The following RSPH10B2 variants were observed in gnomAD, a reference collection of about 807,000 sequenced individuals.
The protein encoded by RSPH10B2 is radial spoke head 10 homolog B2 (Chlamydomonas).
A neutral mutation model predicts 49.0 loss-of-function variants in RSPH10B2; 9 were observed. The ratio of observed to expected loss-of-function variants is 0.18; its 90% CI spans 0.11 to 0.32. RSPH10B2 has a LOEUF of 0.32. RSPH10B2 is among the 10% of genes least tolerant of loss of function. The probability of loss-of-function intolerance (pLI) is 1.00; values close to 1 mark genes in which losing one functional copy is unlikely to be tolerated. For synonymous variants in RSPH10B2, 35 were observed against 210.2 expected (o/e 0.17, Z 7.21); for missense variants, 95 against 589.9 (o/e 0.16, Z 8.69).
At chr7:6,782,376 CT>C in intron 13 of RSPH10B2, among the ~76,000 whole-genome samples, 1 of 124,154 alleles carries the variant, frequency 8.1e-6, no homozygotes, top group African/African-American at 3.2e-5. Flanking sequence ...TGAGATCCCC[CT>C]CTCTACAAAA....
chr7:6,764,400 G>A (rs1319859771), intron 4 of RSPH10B2, among the ~76,000 whole-genome samples: 13 of 150,250 alleles, frequency 8.7e-5, no homozygotes, highest in Admixed American at 4.0e-4. Flanking sequence ...TTGCTCTGTC[G>A]CCCAGGCGGG....
intron 18 of RSPH10B2, among the ~76,000 whole-genome samples, chr7:6,797,109 A>G (rs1434033676): frequency 1.4e-5 from 2 of 142,240 alleles, no homozygotes; most frequent in African/African-American, 5.1e-5. Flanking sequence ...CCCGGGTTCA[A>G]GCGATTCTCT....
intron 4 of RSPH10B2, among the ~76,000 whole-genome samples, chr7:6,764,764 A>G (rs1408816581): frequency 2.0e-5 from 3 of 149,874 alleles, no homozygotes; most frequent in African/African-American, 4.9e-5. Flanking sequence ...CTTGAGACAT[A>G]TTGGAGGGAT....
chr7:6,774,778 A>T (rs1481090114), intron 9 of RSPH10B2, among the ~76,000 whole-genome samples: 2 of 145,978 alleles, frequency 1.4e-5, no homozygotes, highest in African/African-American at 2.5e-5. Flanking sequence ...TCTTGTTGAG[A>T]TAGGGTCTTA....
intron 13 of RSPH10B2, among the ~76,000 whole-genome samples, chr7:6,783,581 T>C (rs1438692201): frequency 7.6e-6 from 1 of 131,382 alleles, no homozygotes; most frequent in African/African-American, 3.0e-5. Context: ...CAAGCAATCC[T>C]CCCACCTCAG....
At chr7:6,775,172 TCTC>T (rs1781735515) in intron 9 of RSPH10B2, among the ~76,000 whole-genome samples, 1 of 55,260 alleles carries the variant, frequency 1.8e-5, no homozygotes, top group Non-Finnish European at 3.9e-5. Context: ...CCTGCCTTGA[TCTC>T]CTGAAGTGCT....
chr7:6,793,992 G>A (rs1211024568), intron 17 of RSPH10B2: 2 of 152,930 alleles, frequency 1.3e-5, no homozygotes, highest in Non-Finnish European at 1.5e-5. Flanking sequence ...CTGTGTACAT[G>A]CTCACCTTTG....
At position 6,779,583 on chromosome 7, in the gene RSPH10B2, G is replaced by A. The variant is rs200761356; in HGVS notation, c.1415-27G>A. On this transcript the variant is annotated intron_variant, in intron 10 of 18. Transcript: ENST00000297186. ...AATGGAAGGTTCTAGCAAATGTCAG[G>A]CATCCTCTCCAATTTTCTTATTTTA... 1.6e-5 allele frequency: 5 copies of A among 316,258 alleles called. 1 individual carries two copies. Among genetic ancestry groups the A allele is most frequent in the East Asian group, 1.6e-4 (2 of 12,670 alleles). The allele number at this position is 316,258 out of a possible 1,614,324, so 19.6% of individuals were successfully genotyped here.
At chr7:6,785,370 G>T (rs1205695011) in intron 13 of RSPH10B2, among the ~76,000 whole-genome samples, 2 of 152,396 alleles carry the variant, frequency 1.3e-5, no homozygotes, top group East Asian at 3.9e-4. Flanking sequence ...TAAAGACAGG[G>T]TCTTGCTATG....
At position 6,798,555 on chromosome 7, in the gene RSPH10B2, GAC is replaced by G; in HGVS notation, c.*22_*23del. 32 of 640,028 alleles carry G rather than the reference GAC, an allele frequency of 5.0e-5. 1 individual carries two copies. Among genetic ancestry groups the G allele is most frequent in the East Asian group, 1.1e-4 (2 of 18,482 alleles). 39.6% of individuals were successfully genotyped at this position (640,028 alleles called of 1,614,324 possible). Reference sequence around the variant, plus strand: ...AGAAGAAAAAGTAGAGAGACACGAGGACACACACACAGGCTTAGGATGGCACG... The same window carrying G: ...AGAAGAAAAAGTAGAGAGACACGAGGACACACACAGGCTTAGGATGGCACG... On this transcript the variant is annotated 3_prime_UTR_variant, in exon 19 of 19. Coordinates refer to ENST00000297186, the Ensembl canonical transcript of RSPH10B2.
At position 6,781,839 on chromosome 7, in the gene RSPH10B2, T is replaced by A. The variant is rs1415484293; in HGVS notation, c.1758+363T>A. Among the ~76,000 whole-genome samples, 2 of 109,254 alleles carry A rather than the reference T, an allele frequency of 1.8e-5. 1 individual carries two copies. Among genetic ancestry groups the A allele is most frequent in the Non-Finnish European group, 3.7e-5 (2 of 54,532 alleles). 71.7% of individuals were successfully genotyped at this position (109,254 alleles called of 152,430 possible). ...TCAAGACCAGCATGGACATATATAT[T>A]TATATATGCCATGGGCCATTGTCTT... On this transcript the variant is annotated intron_variant, in intron 13 of 18. Coordinates refer to ENST00000297186, the Ensembl canonical transcript of RSPH10B2.
chr7:6,770,903 C>CAA (rs1360858598), intron 7 of RSPH10B2, among the ~76,000 whole-genome samples: 1 of 128,884 alleles, frequency 7.8e-6, no homozygotes, highest in African/African-American at 2.9e-5. Context: ...GACTCCGTCT[C>CAA]AAAAAAAAAA....
Position 6,770,600 on chromosome 7 carries a change from C to G in RSPH10B2, c.958-947C>G, listed in dbSNP as rs567213032. Among the ~76,000 whole-genome samples the G allele has an allele frequency of 9.9e-3, 1,261 of 127,852 alleles. 31 individuals are homozygous for G. Among genetic ancestry groups the G allele is most frequent in the African/African-American group, 0.035 (1,178 of 33,338 alleles). The allele number at this position is 127,852 out of a possible 152,430, so 83.9% of individuals were successfully genotyped here. ...CACTCCAGCCTGAGTGACAGCGAGG[C>G]TCCACCTCAAAAAAAAAAAAAATTG... On this transcript the variant is annotated intron_variant, in intron 7 of 18. Coordinates refer to ENST00000297186, the Ensembl canonical transcript of RSPH10B2.
At chr7:6,765,637 TC>T (rs1349617353) in intron 4 of RSPH10B2, 68 bp from the exon 7 acceptor site, 19 of 1,133,764 alleles carry the variant, frequency 1.7e-5, no homozygotes, top group Non-Finnish European at 2.2e-5. Context: ...CAAGTTAATA[TC>T]CTTACATTTG....
intron 4 of RSPH10B2, among the ~76,000 whole-genome samples, chr7:6,764,517 C>T (rs1293993613): frequency 2.9e-4 from 44 of 149,926 alleles, no homozygotes; most frequent in Admixed American, 3.3e-4. Flanking sequence ...TGCACCACCA[C>T]GCCCAGCTAA....
chr7:6,791,401 AATTCTGTT>A (rs1782322077), intron 16 of RSPH10B2, among the ~76,000 whole-genome samples: 1 of 149,412 alleles, frequency 6.7e-6, no homozygotes, highest in Non-Finnish European at 1.5e-5. Context: ...TAAATGCCAT[AATTCTGTT>A]ATTCATTTCA....
At position 6,792,720 on chromosome 7, in the gene RSPH10B2, C is replaced by T. The variant is rs1159094734; in HGVS notation, c.2233+723C>T. On this transcript the variant is annotated intron_variant, in intron 17 of 18. Transcript: ENST00000297186. ...TACTCTGCCGGCCTTGCCAGTTGCA[C>T]GTGGCCTTGTTTTCATGATTAAACA... 6.7e-5 allele frequency among the ~76,000 whole-genome samples: 8 copies of T among 119,630 alleles called. 2 individuals carry two copies. Among genetic ancestry groups the T allele is most frequent in the African/African-American group, 2.3e-4 (7 of 30,812 alleles). 78.5% of individuals were successfully genotyped at this position (119,630 alleles called of 152,430 possible).
intron 3 of RSPH10B2, among the ~76,000 whole-genome samples, chr7:6,763,704 C>G (rs1361736198): frequency 2.1e-5 from 3 of 146,050 alleles, no homozygotes; most frequent in Admixed American, 1.4e-4. Context: ...ATATTTCCTC[C>G]TGCCTGAGCT....
At position 6,786,070 on chromosome 7, in the gene RSPH10B2, CATCACAA is replaced by C. The variant is rs1212091179; in HGVS notation, c.1866+17_1866+23del. On this transcript the variant is annotated intron_variant, in intron 14 of 18. Coordinates refer to ENST00000297186, the Ensembl canonical transcript of RSPH10B2. ...TTTGAACCTGAGGTTTGTAAAGAGC[CATCACAA>C]ATGGTACAGATCCAATTCAGGCTGT... is the stretch of plus-strand genomic sequence containing the variant. 1.2e-6 allele frequency: 1 copy of C among 816,588 alleles called. No individual in the cohort carries two copies. Among genetic ancestry groups the C allele is most frequent in the African/African-American group, 1.9e-5 (1 of 53,656 alleles). The allele number at this position is 816,588 out of a possible 1,614,324, so 50.6% of individuals were successfully genotyped here. A position where few individuals can be genotyped will look rare whatever the true frequency, so the allele number is the denominator to read the frequency against.
Sources: allele counts gnomAD v4.1 joint callset (sites outside exome capture counted in the v4.1 genomes callset), GRCh38; gene constraint gnomAD v4.1.1; transcripts MANE v1.5; gene names NCBI Gene and HGNC (gene_info 2026-07-23, HGNC 2026-07-21).